Variants in SUPT6H observed in about 807,000 individuals in gnomAD.
SUPT6H encodes the protein SPT6 homolog, histone chaperone and transcription elongation factor, also known as transcription elongation factor SPT6.
A neutral mutation model predicts 222.3 loss-of-function variants in SUPT6H; 11 were observed. The observed-to-expected ratio is 0.05, with a 90% confidence interval of 0.03 to 0.08. The LOEUF is 0.08. Ranked by LOEUF, SUPT6H falls within the 10% of genes least tolerant of loss-of-function variation. SUPT6H has a pLI of 1.00. For synonymous variants in SUPT6H, 762 were observed against 801.2 expected (o/e 0.95, Z 0.83); for missense variants, 1,422 against 2,216.0 (o/e 0.64, Z 7.19).
intron 1 of SUPT6H, among the ~76,000 whole-genome samples, chr17:28,662,612 C>T (rs1455549530): frequency 6.6e-6 from 1 of 152,120 alleles, no homozygotes; most frequent in East Asian, 1.9e-4. Context: ...TCCTTCTCTC[C>T]GCAGGTTTTT....
chr17:28,696,946 G>A lies in SUPT6H; in HGVS notation c.4073G>A (p.Arg1358Gln). 1 of 1,613,908 alleles carries A rather than the reference G, an allele frequency of 6.2e-7. No individual in the cohort carries two copies. The highest frequency in any genetic ancestry group is 8.5e-7 in the Non-Finnish European group (1 of 1,180,004). ...ATGGACCAGGGTGATGTGATTATCC[G>A]ACCAAGCAGCAAGGGCGAGAACCAC... Reference protein sequence around the residue: ...ETMDQGDVIIRPSSKGENHLT... With the variant: ...ETMDQGDVIIQPSSKGENHLT... The change falls in exon 30 of 37, where the codon CGA (arginine) becomes CAA (glutamine). Residue 1358 changes from arginine (R) to glutamine (Q), a missense_variant. Transcript: ENST00000314616.
At position 28,686,374 on chromosome 17, in the gene SUPT6H, G is replaced by C. The variant is rs757563732; in HGVS notation, c.2523G>C (p.Leu841=). The C allele has an allele frequency of 6.2e-7, 1 of 1,614,196 alleles. No homozygotes were observed. Residue 841 remains leucine (L), a synonymous_variant, in exon 20 of 37, where the codon CTG becomes CTC. Coordinates refer to ENST00000314616, the MANE Select transcript of SUPT6H (RefSeq NM_003170.5). ...QDIETLKKFL[L]NKKPHVVTVA... ...TTGAAACGCTAAAGAAATTTCTCCT[G>C]AATAAGAAGCCTCATGTAGTGACAG...
chr17:28,674,686 G>A (rs2030631374), intron 4 of SUPT6H, 73 bp downstream of exon 4: 1 of 1,406,212 alleles, frequency 7.1e-7, no homozygotes. Flanking sequence ...GTCTGTGGGT[G>A]AGGAGGCACA....
intron 28 of SUPT6H, 119 bp from the exon 29 acceptor site, chr17:28,695,233 G>C (rs994631689): frequency 1.9e-6 from 2 of 1,062,420 alleles, no homozygotes; most frequent in African/African-American, 3.2e-5. Context: ...GGCTGGCTTT[G>C]GGCAAGTCAC....
chr17:28,698,118 G>A, intron 32 of SUPT6H, 88 bp downstream of exon 32: 1 of 1,486,348 alleles, frequency 6.7e-7, no homozygotes, highest in Non-Finnish European at 8.9e-7. Flanking sequence ...GCCCTCTCTG[G>A]CTCTGCTGGA....
intron 1 of SUPT6H, among the ~76,000 whole-genome samples, chr17:28,668,874 CTT>C (rs932340289): frequency 2.6e-5 from 4 of 152,166 alleles, no homozygotes; most frequent in Non-Finnish European, 5.9e-5. Context: ...AAGTTTAAGA[CTT>C]TCACTTTTGG....
chr17:28,683,095 G>C lies in SUPT6H; in HGVS notation c.1878+3G>C. 1 of 1,592,476 alleles carries C rather than the reference G, an allele frequency of 6.3e-7. No individual in the cohort carries two copies. Among genetic ancestry groups the C allele is most frequent in the Non-Finnish European group, 8.5e-7 (1 of 1,171,826 alleles). On this transcript the variant is annotated splice_donor_region_variant and intron_variant, in intron 15 of 36. Coordinates refer to ENST00000314616, the MANE Select transcript of SUPT6H (RefSeq NM_003170.5). Reference sequence around the variant, plus strand: ...CCCCCACCAAGAAAGGTAGAAAGGTGAGCTGGGTGAAGGGCTTTGATCCAA... The same window carrying C: ...CCCCCACCAAGAAAGGTAGAAAGGTCAGCTGGGTGAAGGGCTTTGATCCAA...
chr17:28,676,379 C>G lies in SUPT6H; in HGVS notation c.846C>G (p.Leu282=). The G allele has an allele frequency of 6.2e-7, 1 of 1,613,904 alleles. No homozygotes were observed. Among genetic ancestry groups the G allele is most frequent in the Non-Finnish European group, 8.5e-7 (1 of 1,180,006 alleles). The change falls in exon 7 of 37, where the codon CTC becomes CTG. Residue 282 remains leucine, a synonymous_variant. Transcript: ENST00000314616. ...CCAGTGAGCTAGAAAGCAGCCACCT[C>G]ACAGATCAGGACAATGAAATCCGAG... ...YEPSELESSH[L]TDQDNEIRAT...
At chr17:28,677,091 G>A (rs755441523) in intron 7 of SUPT6H, among the ~76,000 whole-genome samples, 1 of 151,814 alleles carries the variant, frequency 6.6e-6, no homozygotes, top group African/African-American at 2.4e-5. Flanking sequence ...TTAGCTGGGC[G>A]GCCAGGCACG....
In SUPT6H at chr17:28,674,979, C is replaced by T; in HGVS notation, c.355C>T (p.Arg119Trp). 3 of 1,613,598 alleles carry T rather than the reference C, an allele frequency of 1.9e-6. No individual in the cohort carries two copies. Among genetic ancestry groups the T allele is most frequent in the Non-Finnish European group, 2.5e-6 (3 of 1,179,818 alleles). ...GTTTTCCCACCCCTAGCAAAAGTAC[C>T]GGCGTGTCAAAAAAATGTCAGATGA... ...GVKVKRGQKY[R>W]RVKKMSDDED... is the part of the protein sequence containing the mutation. The change falls in exon 5 of 37, where the codon CGG becomes TGG. Residue 119 changes from arginine to tryptophan, a missense_variant. By Grantham distance (101) the Arg-to-Trp change is moderately radical. Transcript: ENST00000314616.
chr17:28,680,633 A>T (rs1416046473), intron 11 of SUPT6H, among the ~76,000 whole-genome samples: 2 of 151,942 alleles, frequency 1.3e-5, no homozygotes, highest in African/African-American at 4.8e-5. Context: ...TAGGGCTATC[A>T]TGTGTCTTGG....
At chr17:28,683,547 G>T in intron 16 of SUPT6H, 74 bp from the exon 17 acceptor site, 3 of 1,585,960 alleles carry the variant, frequency 1.9e-6, no homozygotes, top group Non-Finnish European at 2.6e-6. Flanking sequence ...TCTCTGGCTT[G>T]CTTAGAATGT....
At position 28,675,196 on chromosome 17, in the gene SUPT6H, G is replaced by C. The variant is rs556314333; in HGVS notation, c.538+34G>C. The C allele has an allele frequency of 3.8e-6, 6 of 1,581,702 alleles. No homozygotes were observed. The African/African-American group carries it at 6.8e-5, about 18-fold the overall frequency. On this transcript the variant is annotated intron_variant, in intron 5 of 36. Coordinates refer to ENST00000314616, the MANE Select transcript of SUPT6H (RefSeq NM_003170.5). Reference sequence around the variant, plus strand: ...TATTGGGCAGGGAAGCCAGTGTTTGGATGGGTATTGGGATTTCCTGGCCCA... The same window carrying C: ...TATTGGGCAGGGAAGCCAGTGTTTGCATGGGTATTGGGATTTCCTGGCCCA...
rs1401013766 is a variant in SUPT6H at position 28,690,161 on chromosome 17, A to C, written c.3422A>C (p.Tyr1141Ser). The C allele has an allele frequency of 1.2e-6, 2 of 1,613,816 alleles. No individual in the cohort carries two copies. ...SCRYKDLRTA[Y>S]RSPNTEEIFN... ...CGATATAAGGACCTCCGGACAGCCT[A>C]CCGCTCTCCCAACACAGAGGAGATC... is the stretch of plus-strand genomic sequence containing the variant. The change falls in exon 26 of 37, where the codon TAC becomes TCC. Residue 1141 changes from tyrosine to serine, a missense_variant. Tyr to Ser is a moderately radical substitution (Grantham distance 144). This residue lies in a region of SUPT6H where 60 missense variants were observed against 96.7 expected (regional missense o/e 0.62). Coordinates refer to ENST00000314616, the MANE Select transcript of SUPT6H (RefSeq NM_003170.5).
Position 28,701,701 on chromosome 17 carries a change from C to T in SUPT6H, c.*76C>T, listed in dbSNP as rs760724006. The stretch of plus-strand genomic sequence containing the variant: ...CTGCCCACTGCCTCCCTCCCTGCCC[C>T]TCCTTTTATGTCCATAAAGTGGCGT... On this transcript the variant is annotated 3_prime_UTR_variant, in exon 37 of 37. Coordinates refer to ENST00000314616, the MANE Select transcript of SUPT6H (RefSeq NM_003170.5). 1.0e-5 allele frequency: 15 copies of T among 1,454,254 alleles called. No homozygotes were observed. The highest frequency in any genetic ancestry group is 4.2e-5 in the African/African-American group (3 of 70,918). The allele number at this position is 1,454,254 out of a possible 1,614,324, so 90.1% of individuals were successfully genotyped here.
At chr17:28,690,811 C>G in intron 26 of SUPT6H, 110 bp from the exon 27 acceptor site, 2 of 1,278,120 alleles carry the variant, frequency 1.6e-6, no homozygotes, top group Non-Finnish European at 2.2e-6. Context: ...GAAGAGTTCC[C>G]TCTTCAAGGA....
chr17:28,669,405 G>A (rs574500989), intron 1 of SUPT6H, among the ~76,000 whole-genome samples: 1 of 152,242 alleles, frequency 6.6e-6, no homozygotes, highest in African/African-American at 2.4e-5. Context: ...TGGCCAGGCT[G>A]GTCTCAAACT....
intron 6 of SUPT6H, 33 bp from the exon 7 acceptor site, chr17:28,676,124 C>G: frequency 6.5e-7 from 1 of 1,549,282 alleles, no homozygotes; most frequent in South Asian, 1.3e-5. Flanking sequence ...CTCACCTGAA[C>G]CTGAGCCACC....
rs1317702319 is a variant in SUPT6H at position 28,700,175 on chromosome 17, A to C, written c.4564A>C (p.Ile1522Leu). 1 of 1,614,040 alleles carries C rather than the reference A, an allele frequency of 6.2e-7. No individual in the cohort carries two copies. Among genetic ancestry groups the C allele is most frequent in the African/African-American group, 1.3e-5 (1 of 74,910 alleles). ...KDHYQDPVPG[I>L]TPSSSSRTRT... ...AACTAAATAATCACTTCCTGCAGGC[A>C]TCACCCCTAGCAGCAGCAGCAGGAC... Residue 1522 changes from isoleucine to leucine, a missense_variant and splice_region_variant, in exon 34 of 37, where the codon ATC (isoleucine) becomes CTC (leucine). By Grantham distance (5) the Ile-to-Leu change is conservative. This residue lies in a region of SUPT6H where 395 missense variants were observed against 580.6 expected (regional missense o/e 0.68). Transcript: ENST00000314616.
Sources: allele counts gnomAD v4.1 joint callset (sites outside exome capture counted in the v4.1 genomes callset), GRCh38; gene constraint gnomAD v4.1.1; regional missense constraint gnomAD v4.1.1; transcripts MANE v1.5; gene names NCBI Gene and HGNC (gene_info 2026-07-23, HGNC 2026-07-21).